The following DPP10 variants were observed in gnomAD, a reference collection of about 807,000 sequenced individuals.
DPP10 encodes the protein inactive dipeptidyl peptidase 10.
Under a neutral mutation model 120.9 loss-of-function variants are expected in DPP10, and 33 were observed. The observed-to-expected ratio is 0.27, with a 90% CI of 0.21 to 0.37. The LOEUF is 0.37. Among genes scored for constraint, DPP10 ranks in the 10% least tolerant of loss-of-function variants. The pLI is 1.00. For synonymous variants in DPP10, 337 were observed against 326.1 expected, an observed-to-expected ratio of 1.03 and a Z score of -0.36; for missense variants, 816 against 942.8, an observed-to-expected ratio of 0.87 and a Z score of 1.76.
chr2:114,519,084 T>G (rs1684840276), intron 1 of DPP10, among the ~76,000 whole-genome samples: 2 of 152,222 alleles, frequency 1.3e-5, no homozygotes, highest in Admixed American at 1.3e-4. Context: ...GATCTGAATT[T>G]TCTATGATTA....
chr2:114,940,152 C>T lies in DPP10; in HGVS notation c.61-369087C>T, dbSNP rs1361813289. On this transcript the variant is annotated intron_variant, in intron 1 of 25. Transcript: ENST00000410059. ...GTGTGTAACAATTATTTCTGAACTGCTCTCCTTTCAAAAGCATTGATAATC... is the reference window on the plus strand; with the variant it reads ...GTGTGTAACAATTATTTCTGAACTGTTCTCCTTTCAAAAGCATTGATAATC... 3.3e-5 allele frequency among the ~76,000 whole-genome samples: 5 copies of T among 152,126 alleles called. No individual in the cohort carries two copies. In the East Asian group the frequency reaches 9.6e-4, roughly 29 times the overall value.
chr2:115,653,863 C>T (rs1467870247), intron 5 of DPP10, among the ~76,000 whole-genome samples: 1 of 151,846 alleles, frequency 6.6e-6, no homozygotes, highest in East Asian at 1.9e-4. Context: ...TTAATTCTTA[C>T]AGCAAACCTC....
chr2:115,806,937 G>A (rs897867014), intron 19 of DPP10, among the ~76,000 whole-genome samples: 2 of 151,974 alleles, frequency 1.3e-5, no homozygotes, highest in Non-Finnish European at 2.9e-5. Flanking sequence ...TTGCAGTTAT[G>A]TGCACGTGAA....
intron 7 of DPP10, among the ~76,000 whole-genome samples, chr2:115,697,551 A>G (rs1183418295): frequency 1.3e-5 from 2 of 151,658 alleles, no homozygotes; most frequent in African/African-American, 4.8e-5. Context: ...ATCAAAATAT[A>G]TAAAGCTAAA....
chr2:115,476,736 C>T (rs879783432), intron 3 of DPP10, among the ~76,000 whole-genome samples: 35 of 152,098 alleles, frequency 2.3e-4, no homozygotes, highest in Admixed American at 2.2e-3. Flanking sequence ...GTACAACATC[C>T]AAACTGTGTT....
chr2:115,172,713 C>G (rs1269478653), intron 1 of DPP10, among the ~76,000 whole-genome samples: 1 of 152,134 alleles, frequency 6.6e-6, no homozygotes, highest in Non-Finnish European at 1.5e-5. Context: ...GGTTTACTAT[C>G]CAAGAGGTGC....
chr2:115,080,738 T>A (rs1429578974), intron 1 of DPP10, among the ~76,000 whole-genome samples: 1 of 152,204 alleles, frequency 6.6e-6, no homozygotes, highest in Non-Finnish European at 1.5e-5. Flanking sequence ...TTTTGCTCTT[T>A]ATTGTTTCTT....
At chr2:115,274,569 A>C (rs1559349383) in intron 1 of DPP10, among the ~76,000 whole-genome samples, 1 of 152,198 alleles carries the variant, frequency 6.6e-6, no homozygotes, top group African/African-American at 2.4e-5. Context: ...TACACAGCGG[A>C]GGCTTTGATT....
chr2:115,150,607 C>A (rs1490926411), intron 1 of DPP10, among the ~76,000 whole-genome samples: 1 of 152,196 alleles, frequency 6.6e-6, no homozygotes, highest in Non-Finnish European at 1.5e-5. Flanking sequence ...GTTATGTACT[C>A]TTTCCTACTT....
At chr2:115,736,269 G>A (rs571378048) in intron 8 of DPP10, among the ~76,000 whole-genome samples, 2 of 152,220 alleles carry the variant, frequency 1.3e-5, no homozygotes, top group East Asian at 3.9e-4. Context: ...TGTACCTCAT[G>A]GCTATACAGG....
intron 5 of DPP10, among the ~76,000 whole-genome samples, chr2:115,612,895 C>T (rs764808641): frequency 2.6e-5 from 4 of 151,226 alleles, no homozygotes; most frequent in Non-Finnish European, 4.4e-5. Flanking sequence ...CTTTCAATCA[C>T]GATAAAGTCA....
chr2:115,817,963 A>G (rs1687435908), intron 21 of DPP10, among the ~76,000 whole-genome samples: 2 of 152,158 alleles, frequency 1.3e-5, no homozygotes, highest in Admixed American at 1.3e-4. Context: ...TTTTTAATGG[A>G]TATATAATAA....
chr2:115,688,592 C>T (rs13387440), intron 5 of DPP10, among the ~76,000 whole-genome samples: 7,244 of 152,188 alleles, frequency 0.048, 582 homozygotes, highest in African/African-American at 0.17. Context: ...TCACTAGATT[C>T]ACATAGCTTA....
At chr2:114,516,363 AAAGTCCAT>A in intron 1 of DPP10, among the ~76,000 whole-genome samples, 1 of 152,178 alleles carries the variant, frequency 6.6e-6, no homozygotes, top group Non-Finnish European at 1.5e-5. Flanking sequence ...ATCCCCCTGC[AAAGTCCAT>A]TCTTCCAGCC....
chr2:115,303,596 G>A (rs2061237653), intron 1 of DPP10, among the ~76,000 whole-genome samples: 1 of 151,776 alleles, frequency 6.6e-6, no homozygotes, highest in East Asian at 1.9e-4. Flanking sequence ...ATCAATATAA[G>A]AAAATTAATA....
intron 7 of DPP10, among the ~76,000 whole-genome samples, chr2:115,721,814 T>C (rs2149612443): frequency 6.6e-6 from 1 of 152,354 alleles, no homozygotes; most frequent in African/African-American, 2.4e-5. Context: ...CTATGTTCAT[T>C]GCAGCCCTAT....
chr2:115,780,627 G>A (rs924583288), intron 15 of DPP10, among the ~76,000 whole-genome samples: 1 of 151,732 alleles, frequency 6.6e-6, no homozygotes, highest in African/African-American at 2.4e-5. Context: ...ATACATACAA[G>A]TGTACATATT....
At chr2:114,457,308 G>A (rs2104555270) in intron 1 of DPP10, among the ~76,000 whole-genome samples, 1 of 152,312 alleles carries the variant, frequency 6.6e-6, no homozygotes, top group Middle Eastern at 3.4e-3. Flanking sequence ...ATCGTAGGAT[G>A]TCTGGCAGCA....
At chr2:115,812,913 T>C (rs549321600) in intron 19 of DPP10, among the ~76,000 whole-genome samples, 1 of 150,534 alleles carries the variant, frequency 6.6e-6, no homozygotes, top group Non-Finnish European at 1.5e-5. Flanking sequence ...CAGAAGGCAT[T>C]TATATTAGTT....
Sources: gnomAD v4.1 joint callset for allele counts (sites outside exome capture counted in the v4.1 genomes callset) on GRCh38, gnomAD v4.1.1 for gene constraint, MANE v1.5 for transcripts, NCBI Gene and HGNC (gene_info 2026-07-23, HGNC 2026-07-21) for gene names.